The following CRACD variants were observed in gnomAD, a reference collection of about 807,000 sequenced individuals.
CRACD encodes capping protein-inhibiting regulator of actin dynamics.
A neutral mutation model predicts 106.8 loss-of-function variants in CRACD; 56 were observed. The observed-to-expected ratio is 0.52, with a 90% CI of 0.42 to 0.66. The LOEUF is 0.66. CRACD is among the 30% of genes least tolerant of loss of function. The probability of loss-of-function intolerance (pLI) is 0.00; values close to 1 mark genes in which losing one functional copy is unlikely to be tolerated. For synonymous variants in CRACD, 754 were observed against 670.8 expected (o/e 1.12, Z -1.92); for missense variants, 1,730 against 1,623.2 (o/e 1.07, Z -1.13).
intron 1 of CRACD, among the ~76,000 whole-genome samples, chr4:56,134,231 A>C (rs1734924530): frequency 2.0e-5 from 3 of 151,980 alleles, no homozygotes. Flanking sequence ...TCGACTCAGA[A>C]GGGTAGACAT....
intron 1 of CRACD, among the ~76,000 whole-genome samples, chr4:56,052,438 A>G (rs1174088063): frequency 6.6e-6 from 1 of 152,250 alleles, no homozygotes; most frequent in Non-Finnish European, 1.5e-5. Flanking sequence ...AATCAGGTTA[A>G]GTGCATTTAA....
intron 3 of CRACD, among the ~76,000 whole-genome samples, chr4:56,294,442 C>G (rs1267622207): frequency 6.6e-6 from 1 of 152,010 alleles, no homozygotes; most frequent in African/African-American, 2.4e-5. Context: ...GACCTCTATA[C>G]AGAAAACTTC....
At chr4:56,244,456 C>T (rs947565775) in intron 2 of CRACD, among the ~76,000 whole-genome samples, 4 of 152,128 alleles carry the variant, frequency 2.6e-5, no homozygotes, top group African/African-American at 9.7e-5. Flanking sequence ...TACCTACGGA[C>T]ATCCAAGTAG....
chr4:56,123,248 A>G (rs1483895291), intron 1 of CRACD, among the ~76,000 whole-genome samples: 4 of 152,192 alleles, frequency 2.6e-5, no homozygotes, highest in Non-Finnish European at 5.9e-5. Context: ...CTTAGCTGCT[A>G]TAACAAAGTA....
Position 56,075,497 on chromosome 4 carries a change from G to T in CRACD, c.-336+26198G>T, listed in dbSNP as rs184897544. 6.7e-3 allele frequency among the ~76,000 whole-genome samples: 1,015 copies of T among 152,246 alleles called. 10 individuals are homozygous for T. The highest frequency in any genetic ancestry group is 0.023 in the African/African-American group (942 of 41,524). ...CATAGAGGTGTTTATAGTATTCTCT[G>T]ATGGTAGTTTGTATTTCTGTGGGAT... On this transcript the variant is annotated intron_variant, in intron 1 of 10. Coordinates refer to ENST00000682029, the MANE Select transcript of CRACD (RefSeq NM_001393381.1).
intron 2 of CRACD, among the ~76,000 whole-genome samples, chr4:56,229,407 G>A (rs981717587): frequency 6.6e-6 from 1 of 152,176 alleles, no homozygotes; most frequent in Non-Finnish European, 1.5e-5. Flanking sequence ...TCATTTGTGA[G>A]GAACAGGGCT....
At chr4:56,226,731 G>A (rs1416362563) in intron 2 of CRACD, among the ~76,000 whole-genome samples, 2 of 151,974 alleles carry the variant, frequency 1.3e-5, no homozygotes, top group Non-Finnish European at 2.9e-5. Flanking sequence ...TCCCTGTGGG[G>A]CAAGGGAAGG....
At chr4:56,070,300 C>CTT (rs1732594561) in intron 1 of CRACD, among the ~76,000 whole-genome samples, 2 of 124,422 alleles carry the variant, frequency 1.6e-5, no homozygotes, top group African/African-American at 3.9e-5. Context: ...AGTCCTTGCC[C>CTT]ATTTTTTTTT....
At chr4:56,298,116 G>A in intron 3 of CRACD, 98 bp from the exon 4 acceptor site, 1 of 1,324,766 alleles carries the variant, frequency 7.5e-7, no homozygotes, top group Non-Finnish European at 1.1e-6. Context: ...ATGAGACTGG[G>A]AATGTGGGTG....
At chr4:56,316,809 A>G (rs57503982) in intron 8 of CRACD, 120 bp downstream of exon 8, 404,442 of 1,243,002 alleles carry the variant, frequency 0.33, 68,282 homozygotes, top group Middle Eastern at 0.39. Flanking sequence ...TTGAAAAAGG[A>G]AAGTTTTATT....
chr4:56,176,635 C>G (rs140019772), intron 1 of CRACD, among the ~76,000 whole-genome samples: 3 of 152,004 alleles, frequency 2.0e-5, no homozygotes, highest in Non-Finnish European at 4.4e-5. Flanking sequence ...TGGGGTTTCA[C>G]TGTGTTAGCC....
chr4:56,223,798 G>A (rs531064603), intron 2 of CRACD, among the ~76,000 whole-genome samples: 2 of 152,206 alleles, frequency 1.3e-5, no homozygotes, highest in African/African-American at 4.8e-5. Flanking sequence ...CTCACTCTGT[G>A]CCCAGGCTGA....
intron 3 of CRACD, among the ~76,000 whole-genome samples, chr4:56,290,927 G>A (rs2109700119): frequency 6.6e-6 from 1 of 152,288 alleles, no homozygotes; most frequent in South Asian, 2.1e-4. Flanking sequence ...TCCCAAGTGG[G>A]CCTTTCTTCC....
At chr4:56,190,033 T>C (rs1737298784) in intron 2 of CRACD, among the ~76,000 whole-genome samples, 1 of 138,794 alleles carries the variant, frequency 7.2e-6, no homozygotes, top group African/African-American at 2.7e-5. Context: ...TGTGTTCTCA[T>C]TGTTCAATTC....
At chr4:56,227,448 T>G (rs753248) in intron 2 of CRACD, among the ~76,000 whole-genome samples, 66,908 of 152,000 alleles carry the variant, frequency 0.44, 15,369 homozygotes, top group Non-Finnish European at 0.5. Context: ...ATATCATCAG[T>G]AACAAGGAAA....
rs765156899 is a variant in CRACD at position 56,315,158 on chromosome 4, A to G, written c.1656A>G (p.Lys552=). 1.2e-6 allele frequency: 2 copies of G among 1,604,310 alleles called. No individual in the cohort carries two copies. Among genetic ancestry groups the G allele is most frequent in the Non-Finnish European group, 1.7e-6 (2 of 1,176,152 alleles). ...GAGGGAAGCAGATTCTCTTTCCCAA[A>G]GTCAACCTGAGCCCCGTGACGCCCG... ...SSGGKQILFP[K]VNLSPVTPAK... Residue 552 remains lysine (K), a synonymous_variant, in exon 8 of 11, where the codon AAA becomes AAG. Coordinates refer to ENST00000682029, the MANE Select transcript of CRACD (RefSeq NM_001393381.1). The surrounding 1 kb of genome is among the most constrained non-coding windows in gnomAD (Gnocchi z 4.1).
rs1049948333 is a variant in CRACD at position 56,266,495 on chromosome 4, T to C, written c.-188-5826T>C. 8.5e-5 allele frequency among the ~76,000 whole-genome samples: 13 copies of C among 152,244 alleles called. 1 individual carries two copies. Among genetic ancestry groups the C allele is most frequent in the Admixed American group, 7.8e-4 (12 of 15,288 alleles). On this transcript the variant is annotated intron_variant, in intron 2 of 10. Transcript: ENST00000682029. ...CCCAGCAAAAGTAAATTTTGTGTTG[T>C]AAAAGTCTAAAATGCCATCTTAAAT...
Position 56,102,744 on chromosome 4 carries a change from G to C in CRACD, c.-336+53445G>C, listed in dbSNP as rs1368395959. Among the ~76,000 whole-genome samples the C allele has an allele frequency of 1.3e-5, 2 of 152,088 alleles. 1 individual carries two copies. Among genetic ancestry groups the C allele is most frequent in the Non-Finnish European group, 2.9e-5 (2 of 68,002 alleles). On this transcript the variant is annotated intron_variant, in intron 1 of 10. Coordinates refer to ENST00000682029, the MANE Select transcript of CRACD (RefSeq NM_001393381.1). ...CTGTTTAACATCGTCTGCTGGATTC[G>C]ACCCCTCCTGCTCTTCACACTCTGC...
intron 2 of CRACD, among the ~76,000 whole-genome samples, chr4:56,259,552 C>T (rs1741575889): frequency 6.6e-6 from 1 of 152,154 alleles, no homozygotes; most frequent in Admixed American, 6.6e-5. Flanking sequence ...ATAACTCATT[C>T]TCTTTCTCTT....
Sources: allele counts gnomAD v4.1 joint callset (sites outside exome capture counted in the v4.1 genomes callset), GRCh38; gene constraint gnomAD v4.1.1; non-coding constraint Gnocchi (gnomAD v3.1); transcripts MANE v1.5; gene names NCBI Gene and HGNC (gene_info 2026-07-23, HGNC 2026-07-21).